TTC3: variants seen among roughly 807,000 people sequenced by gnomAD.
TTC3 encodes E3 ubiquitin-protein ligase TTC3.
A neutral mutation model predicts 249.6 loss-of-function variants in TTC3; 180 were observed. The observed-to-expected ratio is 0.72, with a 90% CI of 0.64 to 0.82. TTC3 has a LOEUF of 0.82. TTC3 is among the 40% of genes least tolerant of loss of function. The pLI is 0.00. For synonymous variants in TTC3, 717 were observed against 805.0 expected, an observed-to-expected ratio of 0.89 and a Z score of 1.85; for missense variants, 2,061 against 2,398.4, an observed-to-expected ratio of 0.86 and a Z score of 2.94.
intron 7 of TTC3, among the ~76,000 whole-genome samples, chr21:37,093,717 C>T (rs956474732): frequency 1.3e-5 from 2 of 151,934 alleles, no homozygotes; most frequent in South Asian, 2.1e-4. Context: ...AATACAATTA[C>T]AACTAATATA....
intron 24 of TTC3, 64 bp downstream of exon 24, chr21:37,150,234 G>A (rs2079339542): frequency 1.7e-6 from 2 of 1,164,350 alleles, no homozygotes; most frequent in East Asian, 2.4e-5. Flanking sequence ...TTTGAAACAT[G>A]ATTTGAATTT....
intron 35 of TTC3, among the ~76,000 whole-genome samples, chr21:37,175,378 C>T (rs995109528): frequency 6.6e-6 from 1 of 151,282 alleles, no homozygotes; most frequent in East Asian, 2.0e-4. Context: ...GGGTATATCA[C>T]CTGAGGTCAG....
chr21:37,100,899 T>C (rs1183692293), intron 10 of TTC3: 1 of 152,242 alleles, frequency 6.6e-6, no homozygotes, highest in Non-Finnish European at 1.5e-5. Flanking sequence ...TCAGAACTTT[T>C]CAGTTTAGTC....
intron 36 of TTC3, among the ~76,000 whole-genome samples, chr21:37,183,866 T>C (rs950436635): frequency 3.3e-5 from 5 of 152,192 alleles, no homozygotes; most frequent in Non-Finnish European, 2.9e-5. Flanking sequence ...CTTTTATTCC[T>C]TAAAACAAGT....
chr21:37,096,624 C>A, exon 10 of TTC3: 1 of 1,612,146 alleles, frequency 6.2e-7, no homozygotes, highest in Non-Finnish European at 8.5e-7. Context: ...TCTTTGTTTT[C>A]TTCGTACTGG....
At chr21:37,135,069 T>G (rs940695312) in intron 17 of TTC3, among the ~76,000 whole-genome samples, 3 of 152,216 alleles carry the variant, frequency 2.0e-5, no homozygotes, top group East Asian at 3.8e-4. Flanking sequence ...TCATATATAT[T>G]GTTAAAACTT....
In TTC3 at chr21:37,074,131, T is replaced by C. The variant is rs528716538; in HGVS notation, c.-12+767T>C. ...GTTTTCGTGTGAACTGGCAGTCCAG[T>C]CCAGGGCCTGTCCCCACGGAACGGA... On this transcript the variant is annotated intron_variant, in intron 1 of 45. Coordinates refer to ENST00000355666, the Ensembl canonical transcript of TTC3. Among the ~76,000 whole-genome samples, 7 of 152,268 alleles carry C rather than the reference T, an allele frequency of 4.6e-5. No individual in the cohort carries two copies. The South Asian group carries it at 1.5e-3, about 32-fold the overall frequency.
At chr21:37,130,399 A>G (rs2077374521) in intron 16 of TTC3, among the ~76,000 whole-genome samples, 1 of 152,184 alleles carries the variant, frequency 6.6e-6, no homozygotes, top group Non-Finnish European at 1.5e-5. Context: ...TTATTTAAAA[A>G]AAATTTATTT....
chr21:37,153,252 C>G (rs954323324), exon 27 of TTC3: 15 of 1,612,732 alleles, frequency 9.3e-6, no homozygotes, highest in Non-Finnish European at 1.3e-5. Flanking sequence ...AATTAGCCGC[C>G]TGGATCCAAA....
intron 35 of TTC3, among the ~76,000 whole-genome samples, chr21:37,179,031 G>A (rs966946340): frequency 6.6e-6 from 1 of 151,942 alleles, no homozygotes; most frequent in African/African-American, 2.4e-5. Context: ...CAGCACTTTG[G>A]GAGGCTAAGG....
chr21:37,186,977 A>C, intron 37 of TTC3, 72 bp from the exon 38 acceptor site: 1 of 903,698 alleles, frequency 1.1e-6, no homozygotes, highest in South Asian at 2.0e-5. Flanking sequence ...AAGCTCATCC[A>C]GCCTGAAACC....
At chr21:37,121,529 G>A (rs2076585008) in intron 11 of TTC3, among the ~76,000 whole-genome samples, 1 of 152,126 alleles carries the variant, frequency 6.6e-6, no homozygotes, top group African/African-American at 2.4e-5. Flanking sequence ...TTCTCTGTTA[G>A]CAAAATATAA....
intron 11 of TTC3, among the ~76,000 whole-genome samples, chr21:37,110,279 G>A (rs1190990660): frequency 2.0e-5 from 3 of 151,670 alleles, no homozygotes; most frequent in Admixed American, 6.6e-5. Context: ...GAGGAAGTTC[G>A]AACCAATGGC....
chr21:37,166,634 A>G lies in TTC3; in HGVS notation c.4401+19A>G. Reference sequence around the variant, plus strand: ...CATACAGGTAAGAGTTAAATAGAAAAGTCTTCTTAATACTGAAGTTAAATT... The same window carrying G: ...CATACAGGTAAGAGTTAAATAGAAAGGTCTTCTTAATACTGAAGTTAAATT... On this transcript the variant is annotated intron_variant, in intron 33 of 45. Coordinates refer to ENST00000355666, the Ensembl canonical transcript of TTC3. 5 of 1,579,830 alleles carry G rather than the reference A, an allele frequency of 3.2e-6. No homozygotes were observed. The highest frequency in any genetic ancestry group is 4.3e-6 in the Non-Finnish European group (5 of 1,161,590).
chr21:37,088,906 T>A lies in TTC3; in HGVS notation c.426+20T>A. The A allele has an allele frequency of 6.2e-7, 1 of 1,604,842 alleles. No homozygotes were observed. The highest frequency in any genetic ancestry group is 8.5e-7 in the Non-Finnish European group (1 of 1,173,116). The stretch of plus-strand genomic sequence containing the variant: ...GTTGCTGTAAGTGGTAGAATGTAGG[T>A]TCCCCCGAGCCCTTGGTTTAAATAA... On this transcript the variant is annotated intron_variant, in intron 5 of 45. Coordinates refer to ENST00000355666, the Ensembl canonical transcript of TTC3.
chr21:37,083,359 G>C (rs560451181), intron 1 of TTC3: 1 of 985,340 alleles, frequency 1.0e-6, no homozygotes, highest in Admixed American at 6.1e-5. Flanking sequence ...AAGGGAAGCT[G>C]TTGCATGGTT....
chr21:37,192,250 T>C (rs1319890888), intron 41 of TTC3, 37 bp downstream of exon 41: 3 of 1,381,910 alleles, frequency 2.2e-6, no homozygotes, highest in South Asian at 1.3e-5. Flanking sequence ...TTTTAAACCA[T>C]AATTCATTTG....
In TTC3 at chr21:37,153,944, ACT is replaced by A. The variant is rs553269406; in HGVS notation, c.2740+670_2740+671del. ...CTGTGGTAAATCACAGGATTATATA[ACT>A]CTGTACTGTGTTCTGACTTTCGTAA... On this transcript the variant is annotated intron_variant, in intron 27 of 45. Coordinates refer to ENST00000355666, the Ensembl canonical transcript of TTC3. Among the ~76,000 whole-genome samples, 260 of 152,238 alleles carry A rather than the reference ACT, an allele frequency of 1.7e-3. 1 individual carries two copies. Among genetic ancestry groups the A allele is most frequent in the Non-Finnish European group, 2.8e-3 (188 of 68,006 alleles).
Position 37,184,722 on chromosome 21 carries a change from G to A in TTC3, c.4758-984G>A, listed in dbSNP as rs1298620170. 3.3e-5 allele frequency among the ~76,000 whole-genome samples: 5 copies of A among 150,478 alleles called. No individual in the cohort carries two copies. In the East Asian group the frequency reaches 5.9e-4, roughly 18 times the overall value. On this transcript the variant is annotated intron_variant, in intron 36 of 45. Transcript: ENST00000355666. ...GACCTCAGATGATCCACCCATCTCG[G>A]CCTCCCAAAGTGCTGGGATTACAGG... is the stretch of plus-strand genomic sequence containing the variant.
Sources: gnomAD v4.1 joint callset for allele counts (sites outside exome capture counted in the v4.1 genomes callset) on GRCh38, gnomAD v4.1.1 for gene constraint, MANE v1.5 for transcripts, NCBI Gene and HGNC (gene_info 2026-07-23, HGNC 2026-07-21) for gene names.